The following CLIC2 variants were observed in gnomAD, a reference collection of about 807,000 sequenced individuals.
CLIC2 encodes the protein chloride intracellular channel protein 2.
CLIC2 carries 9 observed loss-of-function variants against 14.8 expected under a neutral mutation model. That is an observed-to-expected ratio of 0.61 (90% confidence interval 0.37 to 1.06). The LOEUF (loss-of-function observed/expected upper bound fraction) is 1.06, where lower values mean the gene tolerates loss of function less well. Ranked by LOEUF, CLIC2 falls within the 50% of genes least tolerant of loss-of-function variation. The probability of loss-of-function intolerance (pLI) is 0.01; values close to 1 mark genes in which losing one functional copy is unlikely to be tolerated. For missense variants in CLIC2, 148 were observed against 181.4 expected (o/e 0.82, Z 1.06); for synonymous variants, 61 against 66.3 (o/e 0.92, Z 0.39).
intron 1 of CLIC2, among the ~76,000 whole-genome samples, chrX:155,299,874 A>G (rs1365456726): frequency 9.3e-5 from 10 of 107,202 alleles, no homozygotes; most frequent in African/African-American, 3.4e-5. Context: ...ATGATTTCCA[A>G]TTTCATCCAT....
chrX:155,309,768 C>T (rs1557320371), intron 1 of CLIC2: 1 of 116,870 alleles, frequency 8.6e-6, no homozygotes, highest in African/African-American at 3.3e-5. Context: ...CCACTGGGTC[C>T]CTCCCACAAC....
chrX:155,284,249 C>G (rs1257935633), intron 3 of CLIC2, among the ~76,000 whole-genome samples: 1 of 85,075 alleles, frequency 1.2e-5, no homozygotes, highest in Non-Finnish European at 2.3e-5. Context: ...CTCTTTCTCC[C>G]TGGGATTTTT....
intron 1 of CLIC2, among the ~76,000 whole-genome samples, chrX:155,333,725 A>G (rs2075164616): frequency 9.7e-6 from 1 of 103,393 alleles, no homozygotes; most frequent in Admixed American, 1.0e-4. Context: ...AAAAGTTGAC[A>G]TGTTAAAAAA....
chrX:155,290,981 A>T, intron 3 of CLIC2: 1 of 705,963 alleles, frequency 1.4e-6, no homozygotes, highest in South Asian at 2.2e-5. Context: ...TTTTATATCC[A>T]TGTAATGATA....
intron 1 of CLIC2, among the ~76,000 whole-genome samples, chrX:155,303,482 G>T (rs1433124039): frequency 2.0e-5 from 2 of 98,569 alleles, no homozygotes; most frequent in African/African-American, 7.4e-5. Flanking sequence ...GTCTCTGCAC[G>T]TGAGATGTGT....
rs948249759 is a variant in CLIC2, at chrX:155,330,736, C to T, written c.57+3635G>A. Among the ~76,000 whole-genome samples the T allele has an allele frequency of 1.3e-4, 14 of 110,651 alleles. 1 individual carries two copies. The South Asian group carries it at 1.5e-3, about 12-fold the overall frequency. ...CAGACATTGCAATGACAAAGGTAAG[C>T]GTATGACTATGGGAAGAAGCACCTG... On this transcript the variant is annotated intron_variant, in intron 1 of 5. Transcript: ENST00000369449.
intron 1 of CLIC2, chrX:155,310,437 C>T: frequency 3.6e-6 from 1 of 281,179 alleles, no homozygotes. Context: ...TATGCCCTGG[C>T]CACTTGGTCC....
chrX:155,287,319 G>A (rs2074946507), intron 3 of CLIC2, among the ~76,000 whole-genome samples: 1 of 111,176 alleles, frequency 9.0e-6, no homozygotes. Context: ...CTATGTGCCT[G>A]TTTTTTTCTT....
At chrX:155,331,401 A>T (rs890344199) in intron 1 of CLIC2, among the ~76,000 whole-genome samples, 1 of 111,428 alleles carries the variant, frequency 9.0e-6, no homozygotes, top group Non-Finnish European at 1.9e-5. Flanking sequence ...TGAATTACTG[A>T]TCTCTTAATT....
At chrX:155,291,188 GT>G in intron 3 of CLIC2, 2 of 988,080 alleles carry the variant, frequency 2.0e-6, no homozygotes, top group Non-Finnish European at 2.9e-6. Flanking sequence ...ACAGTTGTTT[GT>G]CCTCCAACAG....
intron 1 of CLIC2, among the ~76,000 whole-genome samples, chrX:155,331,672 C>T (rs144795648): frequency 2.7e-5 from 3 of 111,174 alleles, no homozygotes; most frequent in Admixed American, 1.9e-4. Flanking sequence ...GGCTGACTTG[C>T]TCAAGTACAG....
At chrX:155,304,088 T>C (rs1285646188) in intron 1 of CLIC2, among the ~76,000 whole-genome samples, 3 of 107,157 alleles carry the variant, frequency 2.8e-5, no homozygotes, top group Non-Finnish European at 5.8e-5. Flanking sequence ...GGAGTATCTT[T>C]GTGGCGTTCT....
At chrX:155,296,370 C>T (rs1325085403) in intron 3 of CLIC2, among the ~76,000 whole-genome samples, 2 of 111,502 alleles carry the variant, frequency 1.8e-5, no homozygotes, top group Admixed American at 9.6e-5. Flanking sequence ...TCAAAATGGA[C>T]TGAAGACTTA....
At chrX:155,290,111 A>G (rs1167209325) in intron 3 of CLIC2, among the ~76,000 whole-genome samples, 1 of 112,573 alleles carries the variant, frequency 8.9e-6, no homozygotes, top group East Asian at 2.8e-4. Flanking sequence ...TGTAGAATCA[A>G]CACTATAAAA....
chrX:155,329,662 A>G (rs1390173664), intron 1 of CLIC2, among the ~76,000 whole-genome samples: 1 of 109,347 alleles, frequency 9.1e-6, no homozygotes, highest in African/African-American at 3.3e-5. Flanking sequence ...GAGCTACCTT[A>G]TGGTCCAGCA....
In CLIC2 at chrX:155,294,868, A is replaced by G. The variant is rs782083890; in HGVS notation, c.293+3917T>C. Among the ~76,000 whole-genome samples the G allele has an allele frequency of 1.2e-4, 13 of 111,992 alleles. No individual in the cohort carries two copies. The South Asian group carries it at 4.8e-3, about 42-fold the overall frequency. The stretch of plus-strand genomic sequence containing the variant: ...GAACAGACCAATAATGAGTAGCAAG[A>G]TTGAGTCAGTAATAAAAAAGTCTCC... On this transcript the variant is annotated intron_variant, in intron 3 of 5. Transcript: ENST00000369449.
intron 1 of CLIC2, among the ~76,000 whole-genome samples, chrX:155,324,639 A>T (rs2124217116): frequency 8.9e-6 from 1 of 112,066 alleles, no homozygotes; most frequent in Admixed American, 9.5e-5. Flanking sequence ...ACTTAAACAT[A>T]AGACCTAAAA....
intron 1 of CLIC2, among the ~76,000 whole-genome samples, chrX:155,306,455 CT>C (rs1370239613): frequency 3.6e-5 from 4 of 111,784 alleles, no homozygotes; most frequent in Non-Finnish European, 7.5e-5. Flanking sequence ...GTCAATTAAA[CT>C]TTTTTTCTTT....
chrX:155,303,540 C>T (rs200169931), intron 1 of CLIC2, among the ~76,000 whole-genome samples: 6,332 of 34,137 alleles, frequency 0.19, no homozygotes, highest in Admixed American at 0.2. Context: ...ATCCAATTTG[C>T]CAGTCTGTGT....
Sources: gnomAD v4.1 joint callset for allele counts (sites outside exome capture counted in the v4.1 genomes callset) on GRCh38, gnomAD v4.1.1 for gene constraint, MANE v1.5 for transcripts, NCBI Gene and HGNC (gene_info 2026-07-23, HGNC 2026-07-21) for gene names.